Variants in DPYSL2 observed in about 807,000 individuals in gnomAD.
DPYSL2 encodes dihydropyrimidinase like 2.
Under a neutral mutation model 69.9 loss-of-function variants are expected in DPYSL2, and 13 were observed. The ratio of observed to expected loss-of-function variants is 0.19; its 90% CI spans 0.12 to 0.30. The LOEUF (loss-of-function observed/expected upper bound fraction) is 0.30, where lower values mean the gene tolerates loss of function less well. Among genes scored for constraint, DPYSL2 ranks in the 10% least tolerant of loss-of-function variants. DPYSL2 has a pLI of 1.00. For synonymous variants in DPYSL2, 326 were observed against 359.1 expected (o/e 0.91, Z 1.04); for missense variants, 587 against 918.9 (o/e 0.64, Z 4.67).
chr8:26,604,308 C>A (rs1040375932), intron 3 of DPYSL2, among the ~76,000 whole-genome samples: 2 of 152,146 alleles, frequency 1.3e-5, no homozygotes, highest in African/African-American at 4.8e-5. Flanking sequence ...GTCAGATGGC[C>A]ACATTTGCAT....
chr8:26,585,289 C>T lies in DPYSL2; in HGVS notation c.628+1306C>T, dbSNP rs1029405672. Among the ~76,000 whole-genome samples the T allele has an allele frequency of 6.6e-6, 1 of 152,084 alleles. No homozygotes were observed. The highest frequency in any genetic ancestry group is 2.4e-5 in the African/African-American group (1 of 41,398). On this transcript the variant is annotated intron_variant, in intron 3 of 13. Transcript: ENST00000521913. The surrounding 1 kb of genome is among the most constrained non-coding windows in gnomAD (Gnocchi z 4.0). ...TTTTGCTTGTGGCTTTGGGGTCTAT[C>T]TGGAAGCTTCTTTTCTATCTTGCCT... is the stretch of plus-strand genomic sequence containing the variant.
rs1267301025 is a variant in DPYSL2, at chr8:26,620,831, T to C, written c.629-3312T>C. On this transcript the variant is annotated intron_variant, in intron 3 of 13. Transcript: ENST00000521913. The surrounding 1 kb of genome is among the most constrained non-coding windows in gnomAD (Gnocchi z 4.5). The stretch of plus-strand genomic sequence containing the variant: ...AACCTATCAGGCTTCCTTATTTACA[T>C]TGGCTAGAGAGCCTAACTCTAAATT... Among the ~76,000 whole-genome samples, 1 of 152,214 alleles carries C rather than the reference T, an allele frequency of 6.6e-6. No individual in the cohort carries two copies. The highest frequency in any genetic ancestry group is 2.4e-5 in the African/African-American group (1 of 41,464).
rs145814909 is a variant in DPYSL2, at chr8:26,557,425, C to T, written c.355-24544C>T. 4.5e-3 allele frequency among the ~76,000 whole-genome samples: 680 copies of T among 152,042 alleles called. 8 individuals are homozygous for T. Among genetic ancestry groups the T allele is most frequent in the African/African-American group, 0.016 (652 of 41,494 alleles). ...CACCTCACCAAAGAAGATGTACTCA[C>T]GGCAAATAAGCATGTGAAAAGGTTC... is the stretch of plus-strand genomic sequence containing the variant. On this transcript the variant is annotated intron_variant, in intron 1 of 13. Transcript: ENST00000521913.
chr8:26,571,705 C>T lies in DPYSL2; in HGVS notation c.355-10264C>T, dbSNP rs1447363607. On this transcript the variant is annotated intron_variant, in intron 1 of 13. Transcript: ENST00000521913. The surrounding 1 kb of genome is among the most constrained non-coding windows in gnomAD (Gnocchi z 6.1). Reference sequence around the variant, plus strand: ...GTGTCCTCAGAATCCTAGCAGAGCCCCCATGCTGGCCGGCAGTCTGTACAG... The same window carrying T: ...GTGTCCTCAGAATCCTAGCAGAGCCTCCATGCTGGCCGGCAGTCTGTACAG... Among the ~76,000 whole-genome samples the T allele has an allele frequency of 6.6e-6, 1 of 152,154 alleles. No homozygotes were observed. The highest frequency in any genetic ancestry group is 2.1e-4 in the South Asian group (1 of 4,828).
chr8:26,553,766 T>C (rs548266834), intron 1 of DPYSL2, among the ~76,000 whole-genome samples: 25 of 152,266 alleles, frequency 1.6e-4, no homozygotes, highest in African/African-American at 4.6e-4. Context: ...GGTCGAATGG[T>C]AGTTCTATTT....
chr8:26,629,618 C>T (rs1802696343), intron 7 of DPYSL2, among the ~76,000 whole-genome samples: 2 of 152,208 alleles, frequency 1.3e-5, no homozygotes, highest in Admixed American at 6.5e-5. Context: ...GGCAGGCAAG[C>T]CCCTGTGTCA....
At chr8:26,618,939 CAA>C (rs1277517220) in intron 3 of DPYSL2, among the ~76,000 whole-genome samples, 3 of 151,788 alleles carry the variant, frequency 2.0e-5, no homozygotes, top group Admixed American at 6.6e-5. Context: ...GCCTGGGCAA[CAA>C]GAGTGAAACG....
intron 1 of DPYSL2, among the ~76,000 whole-genome samples, chr8:26,529,892 C>G (rs1800476281): frequency 1.3e-5 from 2 of 151,592 alleles, no homozygotes; most frequent in Admixed American, 1.3e-4. Flanking sequence ...GAGGGGATCA[C>G]CTGAGGTCAG....
At chr8:26,526,249 C>G (rs1379613302) in intron 1 of DPYSL2, among the ~76,000 whole-genome samples, 1 of 152,170 alleles carries the variant, frequency 6.6e-6, no homozygotes, top group Non-Finnish European at 1.5e-5. Flanking sequence ...TATGTGCCAC[C>G]ATGCCCGGCT....
Position 26,640,996 on chromosome 8 carries a change from C to T in DPYSL2, c.1127-2443C>T, listed in dbSNP as rs1803027304. 6.6e-6 allele frequency among the ~76,000 whole-genome samples: 1 copy of T among 152,176 alleles called. No individual in the cohort carries two copies. Among genetic ancestry groups the T allele is most frequent in the Non-Finnish European group, 1.5e-5 (1 of 68,030 alleles). On this transcript the variant is annotated intron_variant, in intron 8 of 13. Coordinates refer to ENST00000521913, the MANE Select transcript of DPYSL2 (RefSeq NM_001197293.3). This position sits in a 1 kb window ranked among gnomAD's most constrained non-coding sequence, Gnocchi z 4.2. ...GTGCACAGAGAGAAGGGGAATCCAGCTCCTCATAGAGCAGCTCCCCACCCC... is the reference window on the plus strand; with the variant it reads ...GTGCACAGAGAGAAGGGGAATCCAGTTCCTCATAGAGCAGCTCCCCACCCC...
In DPYSL2 at chr8:26,627,362, A is replaced by G; in HGVS notation, c.936+67A>G. 1 of 1,524,478 alleles carries G rather than the reference A, an allele frequency of 6.6e-7. No homozygotes were observed. Among genetic ancestry groups the G allele is most frequent in the Non-Finnish European group, 9.1e-7 (1 of 1,100,230 alleles). 94.4% of individuals were successfully genotyped at this position (1,524,478 alleles called of 1,614,324 possible). A position where few individuals can be genotyped will look rare whatever the true frequency, so the allele number is the denominator to read the frequency against. ...GGTGAGAGGCAGGCTCAAGAAAGGG[A>G]AGCTGCATCTGTAGCTTAACACCAA... is the stretch of plus-strand genomic sequence containing the variant. On this transcript the variant is annotated intron_variant, in intron 6 of 13. Transcript: ENST00000521913. This position sits in a 1 kb window ranked among gnomAD's most constrained non-coding sequence, Gnocchi z 6.9.
intron 1 of DPYSL2, among the ~76,000 whole-genome samples, chr8:26,579,290 A>T (rs781133177): frequency 7.2e-5 from 11 of 152,250 alleles, no homozygotes; most frequent in Non-Finnish European, 1.3e-4. Flanking sequence ...GATCAGCACC[A>T]GTCTTGCTCC....
At position 26,648,041 on chromosome 8, in the gene DPYSL2, C is replaced by T. The variant is rs551444663; in HGVS notation, c.1596+241C>T. On this transcript the variant is annotated intron_variant, in intron 11 of 13. Coordinates refer to ENST00000521913, the MANE Select transcript of DPYSL2 (RefSeq NM_001197293.3). The surrounding 1 kb of genome is among the most constrained non-coding windows in gnomAD (Gnocchi z 4.3). Reference sequence around the variant, plus strand: ...TACCACAGCCTCTCTATCTATAGACCTTTAGAGCCTCTAAAGTGATGTCAG... The same window carrying T: ...TACCACAGCCTCTCTATCTATAGACTTTTAGAGCCTCTAAAGTGATGTCAG... 2.0e-5 allele frequency among the ~76,000 whole-genome samples: 3 copies of T among 152,110 alleles called. No individual in the cohort carries two copies. The highest frequency in any genetic ancestry group is 1.9e-4 in the East Asian group (1 of 5,190).
In DPYSL2 at chr8:26,644,045, C is replaced by T. The variant is rs2129972478; in HGVS notation, c.1379C>T (p.Thr460Ile). Reference sequence around the variant, plus strand: ...AACTTCACCCTGATTCCGGAGGGCACCAATGGCACTGAGGAGCGGATGTCC... The same window carrying T: ...AACTTCACCCTGATTCCGGAGGGCATCAATGGCACTGAGGAGCGGATGTCC... ...KDNFTLIPEG[T>I]NGTEERMSVI... is the part of the protein sequence containing the mutation. Residue 460 changes from threonine (T) to isoleucine (I), a missense_variant, in exon 10 of 14, where the codon ACC becomes ATC. By Grantham distance (89) the Thr-to-Ile change is moderately conservative. Coordinates refer to ENST00000521913, the MANE Select transcript of DPYSL2 (RefSeq NM_001197293.3). The surrounding 1 kb of genome is among the most constrained non-coding windows in gnomAD (Gnocchi z 4.5). The T allele has an allele frequency of 1.3e-5, 21 of 1,614,248 alleles. No individual in the cohort carries two copies. The highest frequency in any genetic ancestry group is 1.8e-5 in the Non-Finnish European group (21 of 1,180,042).
intron 7 of DPYSL2, among the ~76,000 whole-genome samples, chr8:26,633,784 G>A (rs1361278863): frequency 1.3e-5 from 2 of 152,178 alleles, no homozygotes; most frequent in African/African-American, 4.8e-5. Context: ...TGGAACATCC[G>A]ATTTAAAGCG....
rs1037467223 is a variant in DPYSL2, at chr8:26,570,609, C to G, written c.355-11360C>G. ...AAAATTAGCCAGGTGTGGTGGGCAC[C>G]TGTAATCCCAGCTACTTGAGAGGCT... On this transcript the variant is annotated intron_variant, in intron 1 of 13. Transcript: ENST00000521913. 2.0e-5 allele frequency among the ~76,000 whole-genome samples: 3 copies of G among 151,976 alleles called. No homozygotes were observed. In the South Asian group the frequency reaches 6.3e-4, roughly 32 times the overall value.
chr8:26,573,524 CTGGG>C (rs1303975089), intron 1 of DPYSL2, among the ~76,000 whole-genome samples: 21 of 151,958 alleles, frequency 1.4e-4, no homozygotes, highest in East Asian at 5.8e-4. Context: ...AAAAAATTAG[CTGGG>C]CGTGGTGGTA....
rs576512149 is a variant in DPYSL2, at chr8:26,636,956, G to A, written c.1126+2056G>A. 2.0e-4 allele frequency among the ~76,000 whole-genome samples: 30 copies of A among 152,184 alleles called. 2 individuals are homozygous for A. In the South Asian group the frequency reaches 6.2e-3, roughly 32 times the overall value. ...GGGGTTTCACCATGTTGACCAGGCT[G>A]GTCTGGAACTCCTGACCTCAGGTGA... is the stretch of plus-strand genomic sequence containing the variant. On this transcript the variant is annotated intron_variant, in intron 8 of 13. Transcript: ENST00000521913.
rs887305484 is a variant in DPYSL2 at position 26,593,016 on chromosome 8, A to T, written c.628+9033A>T. 1.3e-5 allele frequency among the ~76,000 whole-genome samples: 2 copies of T among 152,128 alleles called. No individual in the cohort carries two copies. The highest frequency in any genetic ancestry group is 1.9e-4 in the East Asian group (1 of 5,192). On this transcript the variant is annotated intron_variant, in intron 3 of 13. Coordinates refer to ENST00000521913, the MANE Select transcript of DPYSL2 (RefSeq NM_001197293.3). This position sits in a 1 kb window ranked among gnomAD's most constrained non-coding sequence, Gnocchi z 5.7. ...TTGTTGGGTGAAGCCATTTGCTTAA[A>T]TTCCTTGCTTTTAGAGCGTCTTAAC...
Sources: allele counts gnomAD v4.1 joint callset (sites outside exome capture counted in the v4.1 genomes callset), GRCh38; gene constraint gnomAD v4.1.1; non-coding constraint Gnocchi (gnomAD v3.1); transcripts MANE v1.5; gene names NCBI Gene and HGNC (gene_info 2026-07-23, HGNC 2026-07-21).